The following TMEM117 variants were observed in gnomAD, a reference collection of about 807,000 sequenced individuals.
The protein encoded by TMEM117 is transmembrane protein 117.
In TMEM117, 27 loss-of-function variants were observed where a neutral mutation model predicts 52.4. The observed-to-expected ratio is 0.51, with a 90% CI of 0.38 to 0.71. TMEM117 has a LOEUF of 0.71. Ranked by LOEUF, TMEM117 falls within the 30% of genes least tolerant of loss-of-function variation. TMEM117 has a pLI of 0.00. For synonymous variants in TMEM117, 215 were observed against 206.3 expected, an observed-to-expected ratio of 1.04 and a Z score of -0.36; for missense variants, 556 against 630.5, an observed-to-expected ratio of 0.88 and a Z score of 1.26.
At chr12:44,128,492 C>T (rs1235648979) in intron 3 of TMEM117, among the ~76,000 whole-genome samples, 2 of 152,154 alleles carry the variant, frequency 1.3e-5, no homozygotes, top group Admixed American at 6.5e-5. Flanking sequence ...TCCTGGCATC[C>T]AGGAGGTGTT....
At chr12:43,876,728 C>G (rs1183304422) in intron 2 of TMEM117, among the ~76,000 whole-genome samples, 3 of 152,072 alleles carry the variant, frequency 2.0e-5, no homozygotes, top group Non-Finnish European at 4.4e-5. Flanking sequence ...CAATGCTGTG[C>G]TTAGCATAGT....
intron 2 of TMEM117, among the ~76,000 whole-genome samples, chr12:43,865,932 T>A (rs1223026757): frequency 6.6e-6 from 1 of 151,708 alleles, no homozygotes; most frequent in Non-Finnish European, 1.5e-5. Flanking sequence ...AAAGTCCAGT[T>A]TAAAATTAAA....
At chr12:43,807,001 A>G in the TMEM117 span, among the ~76,000 whole-genome samples, 1 of 152,312 alleles carries the variant, frequency 6.6e-6, no homozygotes, top group Non-Finnish European at 1.5e-5. Flanking sequence ...TAATCCAGTA[A>G]TTATTCAAAA....
chr12:43,889,710 A>G (rs1052119095), intron 2 of TMEM117, among the ~76,000 whole-genome samples: 1 of 152,246 alleles, frequency 6.6e-6, no homozygotes, highest in Non-Finnish European at 1.5e-5. Flanking sequence ...GTTGAGGGAC[A>G]GACTATAACC....
At chr12:43,959,766 G>GT (rs1399652243) in intron 3 of TMEM117, among the ~76,000 whole-genome samples, 2 of 152,032 alleles carry the variant, frequency 1.3e-5, no homozygotes, top group Non-Finnish European at 2.9e-5. Flanking sequence ...GGTGGTATTT[G>GT]TTTAATTTAT....
chr12:44,158,734 T>C (rs776186062), intron 4 of TMEM117, among the ~76,000 whole-genome samples: 6 of 152,132 alleles, frequency 3.9e-5, no homozygotes, highest in Non-Finnish European at 7.3e-5. Context: ...AGAAACATTA[T>C]TGCAAAAATT....
At chr12:44,010,142 G>GT (rs1424348912) in intron 3 of TMEM117, 2 of 513,166 alleles carry the variant, frequency 3.9e-6, no homozygotes, top group East Asian at 1.1e-4. Flanking sequence ...TCTCATCATT[G>GT]TTTGCTCTAG....
At position 44,276,890 on chromosome 12, in the gene TMEM117, TTG is replaced by T. The variant is rs1393191637; in HGVS notation, c.609-22674_609-22673del. Among the ~76,000 whole-genome samples the T allele has an allele frequency of 9.4e-4, 136 of 145,154 alleles. 1 individual carries two copies. The highest frequency in any genetic ancestry group is 3.5e-3 in the Middle Eastern group (1 of 288). ...AGTTCTTTTTAAATACATGAAAAGT[TTG>T]TGTGTGTGTGTGTGTATGTGTGTGT... is the stretch of plus-strand genomic sequence containing the variant. On this transcript the variant is annotated intron_variant, in intron 5 of 7. Transcript: ENST00000266534.
intron 3 of TMEM117, among the ~76,000 whole-genome samples, chr12:44,051,947 G>T (rs1022435704): frequency 2.0e-5 from 3 of 152,192 alleles, no homozygotes; most frequent in African/African-American, 7.2e-5. Context: ...CACTATCTCT[G>T]GGTCAGTAAG....
At chr12:43,970,404 T>C (rs939823329) in intron 3 of TMEM117, among the ~76,000 whole-genome samples, 15 of 152,086 alleles carry the variant, frequency 9.9e-5, no homozygotes, top group Non-Finnish European at 1.9e-4. Flanking sequence ...TTCTCCTGCC[T>C]CAGCCTCCTG....
At chr12:44,287,149 A>T (rs1313069523) in intron 5 of TMEM117, among the ~76,000 whole-genome samples, 1 of 152,208 alleles carries the variant, frequency 6.6e-6, no homozygotes, top group Admixed American at 6.5e-5. Context: ...CTCACATTCT[A>T]ATTTCTATTA....
chr12:44,252,881 A>G (rs1267808562), intron 5 of TMEM117, among the ~76,000 whole-genome samples: 1 of 152,198 alleles, frequency 6.6e-6, no homozygotes, highest in African/African-American at 2.4e-5. Flanking sequence ...TTCACTACAG[A>G]AAAAATGAGG....
At chr12:44,358,892 T>C (rs540811529) in intron 6 of TMEM117, among the ~76,000 whole-genome samples, 1 of 152,224 alleles carries the variant, frequency 6.6e-6, no homozygotes, top group South Asian at 2.1e-4. Context: ...CTACTTGTGC[T>C]AAATTGTAGC....
At chr12:43,937,630 A>G (rs1168768343) in intron 2 of TMEM117, among the ~76,000 whole-genome samples, 1 of 152,206 alleles carries the variant, frequency 6.6e-6, no homozygotes, top group Non-Finnish European at 1.5e-5. Flanking sequence ...GGAGGAGAGC[A>G]GCTTAAAGAA....
intron 1 of TMEM117, among the ~76,000 whole-genome samples, chr12:43,838,260 G>A (rs1311043405): frequency 2.0e-5 from 3 of 151,964 alleles, no homozygotes; most frequent in Non-Finnish European, 4.4e-5. Context: ...CTGTGTGTAT[G>A]TGTACATATG....
intron 5 of TMEM117, among the ~76,000 whole-genome samples, chr12:44,220,474 T>A (rs1483329783): frequency 6.6e-6 from 1 of 152,176 alleles, no homozygotes; most frequent in African/African-American, 2.4e-5. Context: ...TGTATATAGC[T>A]CATTCTAACA....
chr12:44,293,122 T>C (rs1025960343), intron 5 of TMEM117, among the ~76,000 whole-genome samples: 2 of 151,984 alleles, frequency 1.3e-5, no homozygotes, highest in Non-Finnish European at 2.9e-5. Flanking sequence ...TATATATATA[T>C]ACAAAATTGT....
intron 2 of TMEM117, among the ~76,000 whole-genome samples, chr12:43,898,641 C>T (rs906597501): frequency 2.0e-5 from 3 of 152,026 alleles, no homozygotes; most frequent in African/African-American, 4.8e-5. Flanking sequence ...ATTATAGTGT[C>T]CCCTGCACAG....
chr12:44,277,528 A>G (rs975308052), intron 5 of TMEM117, among the ~76,000 whole-genome samples: 1 of 152,084 alleles, frequency 6.6e-6, no homozygotes, highest in Non-Finnish European at 1.5e-5. Flanking sequence ...ATTTTAATAC[A>G]TTTTTATCTT....
Sources: gnomAD v4.1 joint callset for allele counts (sites outside exome capture counted in the v4.1 genomes callset) on GRCh38, gnomAD v4.1.1 for gene constraint, MANE v1.5 for transcripts, NCBI Gene and HGNC (gene_info 2026-07-23, HGNC 2026-07-21) for gene names.